Variants in SHANK2 observed in about 807,000 individuals in gnomAD.
The protein encoded by SHANK2 is SH3 and multiple ankyrin repeat domains 2.
Under a neutral mutation model 133.7 loss-of-function variants are expected in SHANK2, and 43 were observed. The observed-to-expected ratio is 0.32, with a 90% CI of 0.25 to 0.41. SHANK2 has a LOEUF of 0.41. Among genes scored for constraint, SHANK2 ranks in the 10% least tolerant of loss-of-function variants. The probability of loss-of-function intolerance (pLI) is 1.00; values close to 1 mark genes in which losing one functional copy is unlikely to be tolerated. For synonymous variants in SHANK2, 1,017 were observed against 952.8 expected (o/e 1.07, Z -1.24); for missense variants, 1,994 against 2,235.8 (o/e 0.89, Z 2.18).
At chr11:70,475,425 C>G (rs1048226368) in intron 25 of SHANK2, among the ~76,000 whole-genome samples, 2 of 152,200 alleles carry the variant, frequency 1.3e-5, no homozygotes, top group African/African-American at 4.8e-5. Flanking sequence ...AGGGAGTGAC[C>G]TGGAGACGGG....
rs1293416031 is a variant in SHANK2, at chr11:70,544,045, TG to T, written c.2062-41115del. 2.0e-5 allele frequency among the ~76,000 whole-genome samples: 3 copies of T among 152,302 alleles called. No individual in the cohort carries two copies. The East Asian group carries it at 5.8e-4, about 29-fold the overall frequency. ...TATAGCCTCACAGTCCCCCCAAATT[TG>T]GCCTCAACGAGAGGCTGTTAGCAGA... On this transcript the variant is annotated intron_variant, in intron 17 of 25. Coordinates refer to ENST00000601538, the MANE Select transcript of SHANK2 (RefSeq NM_012309.5).
Position 70,502,787 on chromosome 11 carries a change from G to A in SHANK2, c.2197+9C>T. 6.2e-7 allele frequency: 1 copy of A among 1,608,900 alleles called. No homozygotes were observed. The highest frequency in any genetic ancestry group is 8.5e-7 in the Non-Finnish European group (1 of 1,178,904). On this transcript the variant is annotated intron_variant, in intron 18 of 25. Coordinates refer to ENST00000601538, the MANE Select transcript of SHANK2 (RefSeq NM_012309.5). The stretch of plus-strand genomic sequence containing the variant: ...CCCAGGCTGGAGCTGGGCGATGTGG[G>A]GCATGTACCTTTCTTCCTGGCGGTG...
Position 70,799,731 on chromosome 11 carries a change from C to T in SHANK2, c.1664-1175G>A, listed in dbSNP as rs377584951. Among the ~76,000 whole-genome samples the T allele has an allele frequency of 3.7e-4, 56 of 152,354 alleles. 1 individual carries two copies. Among genetic ancestry groups the T allele is most frequent in the African/African-American group, 1.1e-3 (46 of 41,578 alleles). ...GACCACGCACATCACTGGACAGACA[C>T]GGCCACCCCAGCCTACAGGGTGGAA... On this transcript the variant is annotated intron_variant, in intron 13 of 25. Transcript: ENST00000601538.
At chr11:70,780,315 G>A (rs942957115) in intron 14 of SHANK2, among the ~76,000 whole-genome samples, 3 of 152,246 alleles carry the variant, frequency 2.0e-5, no homozygotes, top group Non-Finnish European at 2.9e-5. Flanking sequence ...GAGGCCCTGG[G>A]TCAGAGTTTA....
chr11:70,925,330 A>G (rs372973717), intron 10 of SHANK2, among the ~76,000 whole-genome samples: 1 of 152,186 alleles, frequency 6.6e-6, no homozygotes, highest in African/African-American at 2.4e-5. Flanking sequence ...TGACCCGCCA[A>G]AGTGAAGAAA....
chr11:70,685,011 G>A (rs1249294513), intron 15 of SHANK2, among the ~76,000 whole-genome samples: 1 of 151,982 alleles, frequency 6.6e-6, no homozygotes, highest in African/African-American at 2.4e-5. Context: ...AAGGACCCTG[G>A]GCAAGGCCTG....
In SHANK2 at chr11:71,147,263, C is replaced by T. The variant is rs1555106901; in HGVS notation, c.64G>A (p.Gly22Arg). 6.4e-7 allele frequency: 1 copy of T among 1,550,996 alleles called. No homozygotes were observed. The highest frequency in any genetic ancestry group is 2.0e-5 in the Admixed American group (1 of 51,006). Residue 22 changes from glycine to arginine, a missense_variant, in exon 3 of 26, where the codon GGG becomes AGG. Transcript: ENST00000601538. ...TCTTTGGAGCTGTCTGACTCCGACC[C>T]CACGGAGTAGTCGGAGAAGCTCTGG... Reference protein sequence around the residue: ...MAQSFSDYSVGSESDSSKEET... With the variant: ...MAQSFSDYSVRSESDSSKEET...
chr11:70,672,684 C>T (rs144079577), intron 15 of SHANK2, among the ~76,000 whole-genome samples: 1 of 152,352 alleles, frequency 6.6e-6, no homozygotes, highest in African/African-American at 2.4e-5. Flanking sequence ...GCTTTGCTTT[C>T]TTCTGGCCAG....
intron 17 of SHANK2, among the ~76,000 whole-genome samples, chr11:70,520,531 G>A (rs564628083): frequency 8.7e-4 from 132 of 152,234 alleles, no homozygotes; most frequent in African/African-American, 3.0e-3. Flanking sequence ...AAGACTTTTC[G>A]CTGTTGGTGC....
At chr11:71,247,112 A>G (rs1460017524) in intron 1 of SHANK2, among the ~76,000 whole-genome samples, 3 of 152,220 alleles carry the variant, frequency 2.0e-5, no homozygotes, top group Non-Finnish European at 4.4e-5. Context: ...TTAGGATAAA[A>G]TTCTTTGGGG....
intron 17 of SHANK2, among the ~76,000 whole-genome samples, chr11:70,657,749 C>A (rs2061421682): frequency 6.6e-6 from 1 of 152,216 alleles, no homozygotes; most frequent in Non-Finnish European, 1.5e-5. Context: ...AAACCTGCCC[C>A]AAAATGGCAA....
chr11:71,141,586 A>G (rs1952555203), intron 3 of SHANK2, among the ~76,000 whole-genome samples: 2 of 152,166 alleles, frequency 1.3e-5, no homozygotes, highest in South Asian at 2.1e-4. Context: ...CTCCCCAGCC[A>G]TGTGGAACTG....
chr11:70,475,816 C>G lies in SHANK2; in HGVS notation c.4980-2377G>C, dbSNP rs539537906. 2.0e-5 allele frequency among the ~76,000 whole-genome samples: 3 copies of G among 152,338 alleles called. No homozygotes were observed. The South Asian group carries it at 6.2e-4, about 32-fold the overall frequency. On this transcript the variant is annotated intron_variant, in intron 25 of 25. Transcript: ENST00000601538. ...GGCATCCCCATCTAGAACCTGCCCC[C>G]ACCCTCAATGGTGGCTTGCTGGTCA...
chr11:70,936,420 G>A (rs1394484507), intron 10 of SHANK2, among the ~76,000 whole-genome samples: 2 of 152,154 alleles, frequency 1.3e-5, no homozygotes, highest in Non-Finnish European at 2.9e-5. Context: ...GCTGAGGCAG[G>A]AGAATCACTT....
At chr11:70,746,154 G>A (rs1490331342) in intron 14 of SHANK2, among the ~76,000 whole-genome samples, 1 of 152,242 alleles carries the variant, frequency 6.6e-6, no homozygotes, top group African/African-American at 2.4e-5. Context: ...GGTCCAGGAG[G>A]CTGTGAACTC....
At chr11:70,809,969 C>T (rs1948244155) in intron 12 of SHANK2, among the ~76,000 whole-genome samples, 1 of 152,166 alleles carries the variant, frequency 6.6e-6, no homozygotes, top group Admixed American at 6.5e-5. Context: ...GCAGCCTGGG[C>T]ACAATATGGA....
intron 3 of SHANK2, among the ~76,000 whole-genome samples, chr11:71,136,224 T>A (rs1952435958): frequency 6.6e-6 from 1 of 152,102 alleles, no homozygotes; most frequent in Admixed American, 6.5e-5. Context: ...GGGATGGACC[T>A]CAAAGCTGTC....
chr11:70,710,546 G>A (rs1945761190), intron 14 of SHANK2, among the ~76,000 whole-genome samples: 1 of 152,228 alleles, frequency 6.6e-6, no homozygotes, highest in African/African-American at 2.4e-5. Context: ...CAGGGTTGAT[G>A]GTGAAAGGGG....
intron 14 of SHANK2, among the ~76,000 whole-genome samples, chr11:70,768,368 C>T (rs898838745): frequency 1.1e-4 from 16 of 152,194 alleles, no homozygotes; most frequent in Non-Finnish European, 2.2e-4. Context: ...GAATAGAGCT[C>T]CCCAAATCAG....
Sources: allele counts gnomAD v4.1 joint callset (sites outside exome capture counted in the v4.1 genomes callset), GRCh38; gene constraint gnomAD v4.1.1; transcripts MANE v1.5; gene names NCBI Gene and HGNC (gene_info 2026-07-23, HGNC 2026-07-21).